Variants in SIL1 observed in about 807,000 individuals in gnomAD.
SIL1 encodes nucleotide exchange factor SIL1.
A neutral mutation model predicts 49.1 loss-of-function variants in SIL1; 40 were observed. The observed-to-expected ratio is 0.81, with a 90% confidence interval of 0.63 to 1.06. The LOEUF (loss-of-function observed/expected upper bound fraction) is 1.06. Among genes scored for constraint, SIL1 ranks in the 50% least tolerant of loss-of-function variants. SIL1 has a pLI of 0.00. For synonymous variants in SIL1, 253 were observed against 250.8 expected (o/e 1.01, Z -0.08); for missense variants, 500 against 572.6 (o/e 0.87, Z 1.29).
chr5:138,957,844 C>A (rs1766934525), intron 7 of SIL1, among the ~76,000 whole-genome samples: 1 of 152,160 alleles, frequency 6.6e-6, no homozygotes, highest in South Asian at 2.1e-4. Context: ...CAGTAATCTA[C>A]AGATATTTAT....
chr5:138,969,524 C>T (rs957337736), intron 7 of SIL1, among the ~76,000 whole-genome samples: 2 of 152,198 alleles, frequency 1.3e-5, no homozygotes, highest in African/African-American at 4.8e-5. Context: ...TAATACTCCA[C>T]GCTCCACCAA....
intron 7 of SIL1, among the ~76,000 whole-genome samples, chr5:139,020,806 CATCATTTATTCGTCACTAG>C (rs1203240983): frequency 1.3e-5 from 2 of 152,318 alleles, no homozygotes; most frequent in Admixed American, 1.3e-4. Flanking sequence ...TGGTCAGGCT[CATCATTTATTCGTCACTAG>C]ATGTAGCTTT....
intron 3 of SIL1, among the ~76,000 whole-genome samples, chr5:139,063,247 G>A (rs1377688624): frequency 4.6e-5 from 7 of 152,198 alleles, no homozygotes; most frequent in Non-Finnish European, 7.3e-5. Flanking sequence ...CCCTCCTACT[G>A]AGAAAAGCAT....
intron 3 of SIL1, among the ~76,000 whole-genome samples, chr5:139,074,651 C>T (rs944476331): frequency 6.6e-6 from 1 of 152,054 alleles, no homozygotes; most frequent in Non-Finnish European, 1.5e-5. Context: ...CCTCAAGGAT[C>T]GCACAGTGAA....
At chr5:138,960,552 C>T (rs927334112) in intron 7 of SIL1, among the ~76,000 whole-genome samples, 2 of 151,912 alleles carry the variant, frequency 1.3e-5, no homozygotes, top group African/African-American at 2.4e-5. Flanking sequence ...CAGCCTACCA[C>T]GTAGCTGGGA....
Position 138,947,052 on chromosome 5 carries a change from GCC to G in SIL1, c.*63_*64del, listed in dbSNP as rs1766644421. 11 of 1,293,654 alleles carry G rather than the reference GCC, an allele frequency of 8.5e-6. No individual in the cohort carries two copies. The highest frequency in any genetic ancestry group is 1.1e-5 in the Non-Finnish European group (10 of 905,440). The allele number at this position is 1,293,654 out of a possible 1,614,324, so 80.1% of individuals were successfully genotyped here. On this transcript the variant is annotated 3_prime_UTR_variant, in exon 10 of 10. Coordinates refer to ENST00000394817, the MANE Select transcript of SIL1 (RefSeq NM_022464.5). This position sits in a 1 kb window ranked among gnomAD's most constrained non-coding sequence, Gnocchi z 4.1. ...GCCAAGATGTCCTCCTGCCTGAGAA[GCC>G]CACCCACGCTGGCACCCCTCAGCCT...
chr5:139,134,891 T>C (rs552843124), intron 1 of SIL1, among the ~76,000 whole-genome samples: 2 of 152,272 alleles, frequency 1.3e-5, no homozygotes, highest in East Asian at 3.9e-4. Context: ...ACACATACAG[T>C]CACTCACCTC....
In SIL1 at chr5:139,042,506, C is replaced by T. The variant is rs1769068538; in HGVS notation, c.453+114G>A. Reference sequence around the variant, plus strand: ...CATTAATGTTCTTTAAATTATTTTACAATATTGTTATCCCATGTTTATTGC... The same window carrying T: ...CATTAATGTTCTTTAAATTATTTTATAATATTGTTATCCCATGTTTATTGC... On this transcript the variant is annotated intron_variant, in intron 5 of 9. Coordinates refer to ENST00000394817, the MANE Select transcript of SIL1 (RefSeq NM_022464.5). 6 of 910,746 alleles carry T rather than the reference C, an allele frequency of 6.6e-6. No individual in the cohort carries two copies. In the Admixed American group the frequency reaches 7.1e-5, roughly 11 times the overall value. The allele number at this position is 910,746 out of a possible 1,614,324, so 56.4% of individuals were successfully genotyped here.
chr5:138,947,186 A>G lies in SIL1; in HGVS notation c.1317T>C (p.Asp439=). Residue 439 remains aspartate, a synonymous_variant, in exon 10 of 10, where the codon GAT becomes GAC. Transcript: ENST00000394817. The surrounding 1 kb of genome is among the most constrained non-coding windows in gnomAD (Gnocchi z 4.1). ...YQVLASLELQ[D]GEDEGYFQEL... is the part of the protein sequence containing the mutation. ...CCTGGAAGTAGCCCTCGTCCTCACC[A>G]TCCTGCAGCTCCAGGCTGGCCAGCA... 6.2e-7 allele frequency: 1 copy of G among 1,613,464 alleles called. No homozygotes were observed.
intron 7 of SIL1, among the ~76,000 whole-genome samples, chr5:138,956,617 C>A (rs370079681): frequency 6.6e-6 from 1 of 151,962 alleles, no homozygotes; most frequent in Admixed American, 6.5e-5. Context: ...GTGTCAGGCA[C>A]CTGTAATCTC....
At chr5:139,144,260 G>C (rs998910321) in intron 1 of SIL1, among the ~76,000 whole-genome samples, 4 of 151,996 alleles carry the variant, frequency 2.6e-5, no homozygotes, top group Non-Finnish European at 5.9e-5. Context: ...GGAACTCAAG[G>C]CTGCAGTGGG....
rs145014919 is a variant in SIL1, at chr5:138,971,260, T to G, written c.768-19376A>C. 7.9e-5 allele frequency among the ~76,000 whole-genome samples: 12 copies of G among 152,214 alleles called. No homozygotes were observed. The East Asian group carries it at 1.9e-3, about 24-fold the overall frequency. ...CAAGATACTAGATGATAATTGACTA[T>G]CTGGGGCTGGAATGGGAGGTGGCCA... is the stretch of plus-strand genomic sequence containing the variant. On this transcript the variant is annotated intron_variant, in intron 7 of 9. Coordinates refer to ENST00000394817, the MANE Select transcript of SIL1 (RefSeq NM_022464.5).
intron 6 of SIL1, among the ~76,000 whole-genome samples, chr5:139,025,197 A>G (rs184148535): frequency 6.6e-5 from 10 of 152,308 alleles, no homozygotes; most frequent in East Asian, 1.9e-4. Context: ...GAATAAATCA[A>G]TGGCTTTTAT....
intron 7 of SIL1, among the ~76,000 whole-genome samples, chr5:138,991,823 T>C (rs1338174483): frequency 1.3e-5 from 2 of 152,240 alleles, no homozygotes; most frequent in Non-Finnish European, 2.9e-5. Context: ...GTTCCCCATC[T>C]ATGTCCTTGT....
intron 1 of SIL1, among the ~76,000 whole-genome samples, chr5:139,193,175 T>C (rs183011964): frequency 1.3e-5 from 2 of 152,176 alleles, no homozygotes; most frequent in Admixed American, 1.3e-4. Flanking sequence ...AAATTGATTC[T>C]TGGGGGAAAA....
chr5:139,028,750 T>A (rs1768720092), intron 5 of SIL1, among the ~76,000 whole-genome samples: 1 of 152,254 alleles, frequency 6.6e-6, no homozygotes, highest in Admixed American at 6.5e-5. Flanking sequence ...CACCAGTTTT[T>A]ACATATACTC....
intron 1 of SIL1, among the ~76,000 whole-genome samples, chr5:139,195,721 C>A (rs1309792398): frequency 6.6e-6 from 1 of 152,096 alleles, no homozygotes; most frequent in Non-Finnish European, 1.5e-5. Context: ...ACATTGAGCC[C>A]CAGAGGTGAA....
intron 3 of SIL1, among the ~76,000 whole-genome samples, chr5:139,056,862 T>C (rs897756856): frequency 2.6e-5 from 4 of 151,878 alleles, no homozygotes; most frequent in African/African-American, 7.3e-5. Context: ...AATGGCGGTT[T>C]TGTGGAATAG....
chr5:138,949,281 G>A (rs543298420), intron 9 of SIL1, among the ~76,000 whole-genome samples: 1 of 152,168 alleles, frequency 6.6e-6, no homozygotes. Context: ...TGGTCTCTCA[G>A]TAGAGGTCCT....
Sources: gnomAD v4.1 joint callset for allele counts (sites outside exome capture counted in the v4.1 genomes callset) on GRCh38, gnomAD v4.1.1 for gene constraint, Gnocchi (gnomAD v3.1) non-coding constraint, MANE v1.5 for transcripts, NCBI Gene and HGNC (gene_info 2026-07-23, HGNC 2026-07-21) for gene names.